WWP2: variants seen among roughly 807,000 people sequenced by gnomAD.
The protein encoded by WWP2 is WW domain containing E3 ubiquitin protein ligase 2, also known as NEDD4-like E3 ubiquitin-protein ligase WWP2.
In WWP2, 57 loss-of-function variants were observed where a neutral mutation model predicts 121.0. The observed-to-expected ratio is 0.47, with a 90% CI of 0.38 to 0.59. The LOEUF is 0.59. Ranked by LOEUF, WWP2 falls within the 20% of genes least tolerant of loss-of-function variation. The pLI is 0.00. For missense variants in WWP2, 962 were observed against 1,158.9 expected (o/e 0.83, Z 2.47); for synonymous variants, 449 against 441.3 (o/e 1.02, Z -0.22).
At chr16:69,838,366 C>T (rs1489810438) in intron 4 of WWP2, among the ~76,000 whole-genome samples, 1 of 151,054 alleles carries the variant, frequency 6.6e-6, no homozygotes, top group Non-Finnish European at 1.5e-5. Context: ...CCCTCTTAAT[C>T]CACGTGCTTA....
At chr16:69,803,014 AT>A (rs1263300594) in intron 4 of WWP2, among the ~76,000 whole-genome samples, 1 of 151,730 alleles carries the variant, frequency 6.6e-6, no homozygotes, top group East Asian at 1.9e-4. Context: ...GACCTGTACA[AT>A]TTACCTTCCC....
intron 7 of WWP2, among the ~76,000 whole-genome samples, chr16:69,882,099 C>T (rs1274902931): frequency 6.6e-6 from 1 of 152,086 alleles, no homozygotes; most frequent in Non-Finnish European, 1.5e-5. Context: ...GGATTACAGG[C>T]ATGAGCCACC....
chr16:69,912,511 CAA>C (rs981378905), intron 9 of WWP2, among the ~76,000 whole-genome samples: 35 of 151,960 alleles, frequency 2.3e-4, no homozygotes, highest in African/African-American at 8.2e-4. Context: ...AACTCAGAAA[CAA>C]GAGATTAAAT....
At position 69,762,399 on chromosome 16, in the gene WWP2, G is replaced by C. The variant is rs1452074409; in HGVS notation, c.-16+8G>C. 1 of 150,164 alleles carries C rather than the reference G, an allele frequency of 6.7e-6. No individual in the cohort carries two copies. Among genetic ancestry groups the C allele is most frequent in the African/African-American group, 2.4e-5 (1 of 41,092 alleles). 9.3% of individuals were successfully genotyped at this position (150,164 alleles called of 1,614,324 possible). On this transcript the variant is annotated splice_region_variant and intron_variant, in intron 1 of 23. Transcript: ENST00000359154. ...CTTCTGTGGCCACGGCAGGTAGCGA[G>C]CGCTGGCGCGGGGGGCGCGGTGGGC... is the stretch of plus-strand genomic sequence containing the variant.
At position 69,937,542 on chromosome 16, in the gene WWP2, C is replaced by A. The variant is rs1382865503; in HGVS notation, c.2239-6C>A. 1.2e-6 allele frequency: 2 copies of A among 1,613,882 alleles called. No homozygotes were observed. Among genetic ancestry groups the A allele is most frequent in the East Asian group, 2.2e-5 (1 of 44,872 alleles). Reference sequence around the variant, plus strand: ...GCCGGGGATGCTGACTGCCGCCTCTCCCCAGCTGATGCTGTGCGGCATGCA... The same window carrying A: ...GCCGGGGATGCTGACTGCCGCCTCTACCCAGCTGATGCTGTGCGGCATGCA... On this transcript the variant is annotated splice_region_variant and splice_polypyrimidine_tract_variant and intron_variant, in intron 20 of 23. Transcript: ENST00000359154. This position sits in a 1 kb window ranked among gnomAD's most constrained non-coding sequence, Gnocchi z 6.6.
At chr16:69,764,444 C>T (rs905496486) in intron 1 of WWP2, among the ~76,000 whole-genome samples, 1 of 152,168 alleles carries the variant, frequency 6.6e-6, no homozygotes, top group African/African-American at 2.4e-5. Context: ...CCTCCCACCT[C>T]GGCCTCTCAA....
intron 4 of WWP2, among the ~76,000 whole-genome samples, chr16:69,800,719 C>T (rs944875769): frequency 4.6e-5 from 7 of 151,506 alleles, no homozygotes; most frequent in African/African-American, 1.7e-4. Flanking sequence ...CATGTGCCAC[C>T]ATTCCCAGCT....
At chr16:69,895,124 A>G (rs1487393489) in intron 8 of WWP2, 1 of 152,170 alleles carries the variant, frequency 6.6e-6, no homozygotes, top group African/African-American at 2.4e-5. Flanking sequence ...GATGGCCCTT[A>G]AGACACTATC....
intron 2 of WWP2, among the ~76,000 whole-genome samples, chr16:69,791,584 T>A (rs745393492): frequency 6.6e-6 from 1 of 152,132 alleles, no homozygotes; most frequent in African/African-American, 2.4e-5. Flanking sequence ...TGTAGTGGCA[T>A]GATTACAGCT....
intron 4 of WWP2, among the ~76,000 whole-genome samples, chr16:69,806,580 T>A (rs533598040): frequency 6.6e-6 from 1 of 152,322 alleles, no homozygotes; most frequent in South Asian, 2.1e-4. Flanking sequence ...TTTTTCAGTT[T>A]TCCCCCCCAT....
At position 69,786,430 on chromosome 16, in the gene WWP2, C is replaced by T. The variant is rs143617856; in HGVS notation, c.-15-566C>T. ...TGGGGATTACAGGCATGAGCCACTG[C>T]GCCCAGCCAATCTTTTTTTTTTTTT... On this transcript the variant is annotated intron_variant, in intron 1 of 23. Coordinates refer to ENST00000359154, the MANE Select transcript of WWP2 (RefSeq NM_001270454.2). Among the ~76,000 whole-genome samples, 1,186 of 145,582 alleles carry T rather than the reference C, an allele frequency of 8.1e-3. 20 individuals carry two copies. The highest frequency in any genetic ancestry group is 0.029 in the African/African-American group (1,135 of 39,502).
chr16:69,891,662 G>A (rs190733831), intron 8 of WWP2, among the ~76,000 whole-genome samples: 29 of 152,162 alleles, frequency 1.9e-4, no homozygotes, highest in African/African-American at 5.3e-4. Flanking sequence ...CCCCTGGCTC[G>A]ACTCAGCCAT....
intron 7 of WWP2, among the ~76,000 whole-genome samples, chr16:69,878,160 A>G (rs918159303): frequency 5.9e-5 from 9 of 152,204 alleles, no homozygotes; most frequent in Non-Finnish European, 1.0e-4. Flanking sequence ...AACAATGGCA[A>G]TATTAATATA....
intron 4 of WWP2, among the ~76,000 whole-genome samples, chr16:69,823,588 C>T (rs1425676810): frequency 6.6e-6 from 1 of 152,024 alleles, no homozygotes; most frequent in African/African-American, 2.4e-5. Context: ...CTGCCTCAGC[C>T]TCCCAAGTAG....
chr16:69,784,799 C>A (rs2081155384), intron 1 of WWP2, among the ~76,000 whole-genome samples: 1 of 152,092 alleles, frequency 6.6e-6, no homozygotes. Context: ...TTTACTTAAA[C>A]ATCTAACAGA....
chr16:69,772,233 TAA>T (rs1299515592), intron 1 of WWP2, among the ~76,000 whole-genome samples: 1 of 152,146 alleles, frequency 6.6e-6, no homozygotes, highest in East Asian at 1.9e-4. Context: ...AGTGCTGGAC[TAA>T]AAGTCTGCTT....
intron 1 of WWP2, among the ~76,000 whole-genome samples, chr16:69,782,077 G>T (rs1338348532): frequency 2.6e-5 from 4 of 152,170 alleles, no homozygotes; most frequent in Non-Finnish European, 5.9e-5. Context: ...GAGGTCAGGA[G>T]TTCGAGACCA....
At chr16:69,828,060 G>A in intron 4 of WWP2, 1 of 369,676 alleles carries the variant, frequency 2.7e-6, no homozygotes, top group African/African-American at 2.1e-5. Flanking sequence ...AATTGTGTGT[G>A]CATATGTACT....
At chr16:69,767,332 C>A (rs1282026286) in intron 1 of WWP2, among the ~76,000 whole-genome samples, 1 of 152,018 alleles carries the variant, frequency 6.6e-6, no homozygotes, top group Non-Finnish European at 1.5e-5. Flanking sequence ...GTGAAGTGAC[C>A]CTCACGAGGT....
Sources: allele counts gnomAD v4.1 joint callset (sites outside exome capture counted in the v4.1 genomes callset), GRCh38; gene constraint gnomAD v4.1.1; non-coding constraint Gnocchi (gnomAD v3.1); transcripts MANE v1.5; gene names NCBI Gene and HGNC (gene_info 2026-07-23, HGNC 2026-07-21).